Variants in CDYL2 observed in about 807,000 individuals in gnomAD.
CDYL2 encodes the protein chromodomain Y-like protein 2.
A neutral mutation model predicts 49.4 loss-of-function variants in CDYL2; 23 were observed. The observed-to-expected ratio is 0.47, with a 90% CI of 0.34 to 0.66. The LOEUF is 0.66. CDYL2 is among the 30% of genes least tolerant of loss of function. The pLI is 0.01. For missense variants in CDYL2, 678 were observed against 656.4 expected (o/e 1.03, Z -0.36); for synonymous variants, 360 against 268.8 (o/e 1.34, Z -3.32).
At chr16:80,666,375 T>C (rs183263568) in intron 2 of CDYL2, among the ~76,000 whole-genome samples, 1 of 152,306 alleles carries the variant, frequency 6.6e-6, no homozygotes, top group African/African-American at 2.4e-5. Context: ...GGTCATAAAT[T>C]ACATGATTTG....
At chr16:80,662,797 G>C (rs1597156160) in intron 2 of CDYL2, 1 of 455,102 alleles carries the variant, frequency 2.2e-6, no homozygotes, top group South Asian at 1.6e-5. Context: ...CACACTGTAG[G>C]AAAATCATCA....
chr16:80,690,057 G>T (rs139364087), intron 1 of CDYL2, among the ~76,000 whole-genome samples: 2,706 of 151,716 alleles, frequency 0.018, 30 homozygotes, highest in Admixed American at 0.026. Context: ...GGAGGCGGAG[G>T]TTACAGTGAG....
intron 1 of CDYL2, among the ~76,000 whole-genome samples, chr16:80,741,287 A>C (rs1263872820): frequency 1.3e-5 from 2 of 151,764 alleles, no homozygotes; most frequent in Non-Finnish European, 2.9e-5. Flanking sequence ...GGGAAATTAT[A>C]AAATGCCTAC....
intron 2 of CDYL2, among the ~76,000 whole-genome samples, chr16:80,642,690 G>C (rs1315512546): frequency 1.3e-5 from 2 of 152,126 alleles, no homozygotes; most frequent in East Asian, 1.9e-4. Context: ...TTACATAGCA[G>C]TGGCAAGAGG....
chr16:80,735,446 T>G (rs371788316), intron 1 of CDYL2, among the ~76,000 whole-genome samples: 1 of 152,310 alleles, frequency 6.6e-6, no homozygotes, highest in East Asian at 1.9e-4. Flanking sequence ...CACGACATTG[T>G]CAAAAATTAA....
chr16:80,782,304 A>C (rs1180746695), intron 1 of CDYL2, among the ~76,000 whole-genome samples: 2 of 151,908 alleles, frequency 1.3e-5, no homozygotes, highest in Non-Finnish European at 2.9e-5. Context: ...TGAATAGAAA[A>C]TCTGAATAGA....
chr16:80,690,681 T>C (rs1910380318), intron 1 of CDYL2, among the ~76,000 whole-genome samples: 1 of 152,070 alleles, frequency 6.6e-6, no homozygotes, highest in African/African-American at 2.4e-5. Context: ...TGGCAGCATA[T>C]CCGCAGCTTC....
chr16:80,638,882 G>C (rs1420140506), intron 2 of CDYL2, among the ~76,000 whole-genome samples: 1 of 152,130 alleles, frequency 6.6e-6, no homozygotes, highest in African/African-American at 2.4e-5. Flanking sequence ...AAAGCTCCTA[G>C]AGGATAGTAC....
chr16:80,680,354 G>A (rs1183808257), intron 2 of CDYL2, among the ~76,000 whole-genome samples: 1 of 152,198 alleles, frequency 6.6e-6, no homozygotes, highest in Non-Finnish European at 1.5e-5. Flanking sequence ...CACAAGACTG[G>A]CATCAACAGT....
At chr16:80,616,563 C>A (rs1354563056) in intron 4 of CDYL2, among the ~76,000 whole-genome samples, 1 of 152,132 alleles carries the variant, frequency 6.6e-6, no homozygotes, top group Non-Finnish European at 1.5e-5. Context: ...GGAGAACCCT[C>A]CCCCAGCCAA....
intron 6 of CDYL2, among the ~76,000 whole-genome samples, chr16:80,606,872 T>C (rs533546301): frequency 5.3e-5 from 8 of 152,340 alleles, no homozygotes; most frequent in Admixed American, 2.0e-4. Flanking sequence ...TCTGCCGCCA[T>C]GTAAGACATG....
intron 1 of CDYL2, among the ~76,000 whole-genome samples, chr16:80,770,591 A>G (rs998446000): frequency 6.6e-6 from 1 of 152,248 alleles, no homozygotes; most frequent in African/African-American, 2.4e-5. Flanking sequence ...TACAAAGTGA[A>G]CTGAAACAAT....
At chr16:80,743,075 C>T (rs1175119417) in intron 1 of CDYL2, among the ~76,000 whole-genome samples, 5 of 152,006 alleles carry the variant, frequency 3.3e-5, no homozygotes, top group Non-Finnish European at 7.4e-5. Flanking sequence ...GACCGACGGA[C>T]GGACTCATTG....
chr16:80,727,130 C>T (rs181783901), intron 1 of CDYL2, among the ~76,000 whole-genome samples: 1 of 152,220 alleles, frequency 6.6e-6, no homozygotes, highest in African/African-American at 2.4e-5. Context: ...CAGTCTACAG[C>T]TCCCAGCGTG....
intron 2 of CDYL2, among the ~76,000 whole-genome samples, chr16:80,651,629 G>C (rs1392038320): frequency 6.6e-6 from 1 of 152,202 alleles, no homozygotes; most frequent in Non-Finnish European, 1.5e-5. Context: ...CAGGATCTCA[G>C]GGTAGAATGC....
At chr16:80,775,753 A>T (rs1041000824) in intron 1 of CDYL2, among the ~76,000 whole-genome samples, 6 of 151,888 alleles carry the variant, frequency 4.0e-5, no homozygotes, top group African/African-American at 1.4e-4. Context: ...AAGACTTCAG[A>T]CTAACTCTCA....
chr16:80,660,227 T>TA lies in CDYL2; in HGVS notation c.616+24310dup, dbSNP rs1169179061. ...AATTTAATTCAGAGGAAGACACGGGTAAAAAAATAGATTTTTAAAATTTTA... is the reference window on the plus strand; with the variant it reads ...AATTTAATTCAGAGGAAGACACGGGTAAAAAAAATAGATTTTTAAAATTTTA... On this transcript the variant is annotated intron_variant, in intron 2 of 6. Transcript: ENST00000570137. Among the ~76,000 whole-genome samples the TA allele has an allele frequency of 2.6e-5, 4 of 151,934 alleles. No homozygotes were observed. In the East Asian group the frequency reaches 5.8e-4, roughly 22 times the overall value.
At chr16:80,641,648 C>A (rs928598578) in intron 2 of CDYL2, among the ~76,000 whole-genome samples, 7 of 148,882 alleles carry the variant, frequency 4.7e-5, no homozygotes, top group Admixed American at 1.4e-4. Context: ...ACCGCAAGGA[C>A]AAAAAACCAA....
chr16:80,677,138 T>C (rs768420643), intron 2 of CDYL2, among the ~76,000 whole-genome samples: 26 of 151,558 alleles, frequency 1.7e-4, no homozygotes, highest in Non-Finnish European at 3.4e-4. Flanking sequence ...ACCTGGCTAA[T>C]TTTTGTATTT....
Sources: allele counts gnomAD v4.1 joint callset (sites outside exome capture counted in the v4.1 genomes callset), GRCh38; gene constraint gnomAD v4.1.1; transcripts MANE v1.5; gene names NCBI Gene and HGNC (gene_info 2026-07-23, HGNC 2026-07-21).